The following CHN1 variants were observed in gnomAD, a reference collection of about 807,000 sequenced individuals.
CHN1 encodes chimerin 1.
CHN1 carries 37 observed loss-of-function variants against 59.5 expected under a neutral mutation model. That is an observed-to-expected ratio of 0.62 (90% CI 0.48 to 0.82). The LOEUF (loss-of-function observed/expected upper bound fraction) is 0.82. Ranked by LOEUF, CHN1 falls within the 40% of genes least tolerant of loss-of-function variation. The pLI is 0.00. For synonymous variants in CHN1, 206 were observed against 200.4 expected (o/e 1.03, Z -0.24); for missense variants, 469 against 571.0 (o/e 0.82, Z 1.82).
At position 174,846,970 on chromosome 2, in the gene CHN1, A is replaced by G. The variant is rs1364617264; in HGVS notation, c.550-13T>C. 1.3e-6 allele frequency: 2 copies of G among 1,553,072 alleles called. No individual in the cohort carries two copies. The highest frequency in any genetic ancestry group is 1.7e-6 in the Non-Finnish European group (2 of 1,147,536). ...CAAGTGATGTCAACTGCGAATAAGCAAAGAGTTTCAGAGGTTGCCAGATTG... is the reference window on the plus strand; with the variant it reads ...CAAGTGATGTCAACTGCGAATAAGCGAAGAGTTTCAGAGGTTGCCAGATTG... On this transcript the variant is annotated splice_polypyrimidine_tract_variant and intron_variant, in intron 6 of 12. Coordinates refer to ENST00000409900, the MANE Select transcript of CHN1 (RefSeq NM_001822.7).
In CHN1 at chr2:174,848,352, G is replaced by A. The variant is rs138033350; in HGVS notation, c.550-1395C>T. ...ACTTTTTGTTTGCTGGTGTAGAAAC[G>A]GGGTGGCTAGGTGAGAGACTTAGCA... is the stretch of plus-strand genomic sequence containing the variant. On this transcript the variant is annotated intron_variant, in intron 6 of 12. Transcript: ENST00000409900. 2.1e-3 allele frequency among the ~76,000 whole-genome samples: 315 copies of A among 151,542 alleles called. 1 individual carries two copies. The highest frequency in any genetic ancestry group is 7.3e-3 in the African/African-American group (303 of 41,354).
Position 174,807,442 on chromosome 2 carries a change from CTATCTGTGTGTGTG to C in CHN1, c.1102+1449_1102+1462del, listed in dbSNP as rs1381009800. ...TGTGGACTAGGCAGCTTTTCACGGG[CTATCTGTGTGTGTG>C]TGTGTGTGTGTGTGTGTGTGTGTGT... On this transcript the variant is annotated intron_variant, in intron 11 of 12. Transcript: ENST00000409900. Among the ~76,000 whole-genome samples, 8 of 114,272 alleles carry C rather than the reference CTATCTGTGTGTGTG, an allele frequency of 7.0e-5. No individual in the cohort carries two copies. In the South Asian group the frequency reaches 1.8e-3, roughly 26 times the overall value. The allele number at this position is 114,272 out of a possible 152,430, so 75.0% of individuals were successfully genotyped here. A position where few individuals can be genotyped will look rare whatever the true frequency, so the allele number is the denominator to read the frequency against.
At chr2:174,811,489 T>C (rs767247677) in intron 10 of CHN1, 22 bp downstream of exon 10, 6 of 1,559,916 alleles carry the variant, frequency 3.8e-6, no homozygotes, top group Non-Finnish European at 5.3e-6. Flanking sequence ...TCCTAAGTTA[T>C]GGAACATTGT....
At chr2:174,998,296 C>T (rs529169782) in intron 1 of CHN1, among the ~76,000 whole-genome samples, 1 of 95,820 alleles carries the variant, frequency 1.0e-5, no homozygotes, top group East Asian at 2.9e-4. Context: ...GAGTGAGACT[C>T]TGTCTCAAAA....
intron 6 of CHN1, chr2:174,875,960 T>C (rs1687551021): frequency 6.1e-6 from 2 of 328,754 alleles, no homozygotes; most frequent in Non-Finnish European, 8.7e-6. Flanking sequence ...ATTTTAAAAA[T>C]GATTCTTAAT....
intron 5 of CHN1, among the ~76,000 whole-genome samples, chr2:174,881,457 T>TA (rs1193537704): frequency 6.6e-6 from 1 of 152,100 alleles, no homozygotes; most frequent in Non-Finnish European, 1.5e-5. Flanking sequence ...ATTCTGCATC[T>TA]AAAAAATAGG....
chr2:174,938,315 A>G (rs1168219617), intron 3 of CHN1, among the ~76,000 whole-genome samples: 2 of 152,140 alleles, frequency 1.3e-5, no homozygotes, highest in Admixed American at 1.3e-4. Flanking sequence ...TTTTAGATCA[A>G]CTCTATCCCA....
At chr2:174,905,656 C>A (rs1483794773) in intron 5 of CHN1, among the ~76,000 whole-genome samples, 1 of 152,074 alleles carries the variant, frequency 6.6e-6, no homozygotes, top group Non-Finnish European at 1.5e-5. Context: ...ACTCCACCTC[C>A]CGGGTTCATG....
intron 3 of CHN1, 73 bp from the exon 4 acceptor site, chr2:174,918,638 C>A: frequency 8.1e-7 from 1 of 1,229,082 alleles, no homozygotes; most frequent in South Asian, 1.4e-5. Context: ...ACATTTTGTG[C>A]ATGTGACAAA....
chr2:174,984,916 AC>A (rs1691289399), intron 1 of CHN1, among the ~76,000 whole-genome samples: 1 of 152,190 alleles, frequency 6.6e-6, no homozygotes, highest in Non-Finnish European at 1.5e-5. Context: ...TCTTCAACAA[AC>A]CTTCACAAGA....
chr2:174,839,817 T>C (rs1180628198), intron 7 of CHN1, among the ~76,000 whole-genome samples: 1 of 152,120 alleles, frequency 6.6e-6, no homozygotes, highest in African/African-American at 2.4e-5. Context: ...TTGCCTAAGC[T>C]GGTCTCAAAC....
At chr2:174,847,368 CT>C in intron 6 of CHN1, 1 of 1,256,638 alleles carries the variant, frequency 8.0e-7, no homozygotes. Flanking sequence ...ATTCTAGCTT[CT>C]AAAAACTTGA....
Position 174,800,090 on chromosome 2 carries a change from AT to A in CHN1, c.*25del. On this transcript the variant is annotated 3_prime_UTR_variant, in exon 13 of 13. Coordinates refer to ENST00000409900, the MANE Select transcript of CHN1 (RefSeq NM_001822.7). ...TAAAACATTCCTTCATCTGTAAAAC[AT>A]TTCTTTTCCCCTCAAATTAAAAATT... 6.6e-7 allele frequency: 1 copy of A among 1,521,730 alleles called. No homozygotes were observed. Among genetic ancestry groups the A allele is most frequent in the Non-Finnish European group, 8.8e-7 (1 of 1,132,224 alleles). The allele number at this position is 1,521,730 out of a possible 1,614,324, so 94.3% of individuals were successfully genotyped here. A position where few individuals can be genotyped will look rare whatever the true frequency, so the allele number is the denominator to read the frequency against.
chr2:174,870,532 T>C (rs1687375679), intron 6 of CHN1, among the ~76,000 whole-genome samples: 2 of 152,092 alleles, frequency 1.3e-5, no homozygotes, highest in Non-Finnish European at 1.5e-5. Context: ...AAGATGAAAA[T>C]TACAGATCCA....
chr2:175,004,982 G>T lies in CHN1; in HGVS notation c.-70C>A. 1 of 1,506,324 alleles carries T rather than the reference G, an allele frequency of 6.6e-7. No homozygotes were observed. The allele number at this position is 1,506,324 out of a possible 1,614,324, so 93.3% of individuals were successfully genotyped here. Reference sequence around the variant, plus strand: ...AGGCGGGCTAGGGATCACCTCATCAGCCCGCCGCACCCACACCTCGGAGAG... The same window carrying T: ...AGGCGGGCTAGGGATCACCTCATCATCCCGCCGCACCCACACCTCGGAGAG... On this transcript the variant is annotated 5_prime_UTR_variant, in exon 1 of 13. It adds an upstream start codon to the 5' untranslated region. Coordinates refer to ENST00000409900, the MANE Select transcript of CHN1 (RefSeq NM_001822.7).
intron 1 of CHN1, among the ~76,000 whole-genome samples, chr2:175,002,791 G>A (rs1691931740): frequency 6.6e-6 from 1 of 152,144 alleles, no homozygotes; most frequent in Non-Finnish European, 1.5e-5. Context: ...CCATCTCACA[G>A]AACTTTATTG....
chr2:174,807,183 G>A (rs1684910754), intron 11 of CHN1, among the ~76,000 whole-genome samples: 1 of 152,150 alleles, frequency 6.6e-6, no homozygotes, highest in Non-Finnish European at 1.5e-5. Flanking sequence ...GAAGGAAGGA[G>A]AGGTCATTTG....
intron 3 of CHN1, among the ~76,000 whole-genome samples, chr2:174,931,080 T>C (rs900379420): frequency 6.6e-6 from 1 of 151,964 alleles, no homozygotes; most frequent in Non-Finnish European, 1.5e-5. Flanking sequence ...TAGCTGAATT[T>C]TAAACAGGAG....
In CHN1 at chr2:174,799,358, C is replaced by A. The variant is rs139232613; in HGVS notation, c.*758G>T. 3.9e-4 allele frequency: 153 copies of A among 397,334 alleles called. No individual in the cohort carries two copies. The highest frequency in any genetic ancestry group is 3.1e-3 in the African/African-American group (149 of 47,934). 24.6% of individuals were successfully genotyped at this position (397,334 alleles called of 1,614,324 possible). Reference sequence around the variant, plus strand: ...TTAATAAATGGCCAAACACATTTTCCCGAATATTCTTATGAGAAAAAAGTA... The same window carrying A: ...TTAATAAATGGCCAAACACATTTTCACGAATATTCTTATGAGAAAAAAGTA... On this transcript the variant is annotated 3_prime_UTR_variant, in exon 13 of 13. Coordinates refer to ENST00000409900, the MANE Select transcript of CHN1 (RefSeq NM_001822.7).
Sources: allele counts gnomAD v4.1 joint callset (sites outside exome capture counted in the v4.1 genomes callset), GRCh38; gene constraint gnomAD v4.1.1; transcripts MANE v1.5; gene names NCBI Gene and HGNC (gene_info 2026-07-23, HGNC 2026-07-21).